DYNC1LI1: variants seen among roughly 807,000 people sequenced by gnomAD.
DYNC1LI1 encodes dynein cytoplasmic 1 light intermediate chain 1, also known as cytoplasmic dynein 1 light intermediate chain 1.
In DYNC1LI1, 19 loss-of-function variants were observed where a neutral mutation model predicts 63.8. The ratio of observed to expected loss-of-function variants is 0.30; its 90% CI spans 0.21 to 0.44. The LOEUF is 0.44. Ranked by LOEUF, DYNC1LI1 falls within the 20% of genes least tolerant of loss-of-function variation. The pLI is 1.00. For missense variants in DYNC1LI1, 565 were observed against 630.2 expected, an observed-to-expected ratio of 0.90 and a Z score of 1.11; for synonymous variants, 225 against 232.3, an observed-to-expected ratio of 0.97 and a Z score of 0.28.
At position 32,557,870 on chromosome 3, in the gene DYNC1LI1, C is replaced by T. The variant is rs550464073; in HGVS notation, c.221-11905G>A. ...AACGATCTGTAAACATACAATTACG[C>T]AAGTAGAGAGTTCCTGTTCAAACAG... On this transcript the variant is annotated intron_variant, in intron 2 of 12. Coordinates refer to ENST00000273130, the MANE Select transcript of DYNC1LI1 (RefSeq NM_016141.4). Among the ~76,000 whole-genome samples the T allele has an allele frequency of 9.2e-5, 14 of 152,260 alleles. No homozygotes were observed. The East Asian group carries it at 2.7e-3, about 29-fold the overall frequency.
chr3:32,569,838 G>C (rs905493114), intron 2 of DYNC1LI1, among the ~76,000 whole-genome samples: 1 of 152,182 alleles, frequency 6.6e-6, no homozygotes, highest in African/African-American at 2.4e-5. Flanking sequence ...TGACAGTTAA[G>C]GTAGCTGCAA....
intron 2 of DYNC1LI1, among the ~76,000 whole-genome samples, chr3:32,565,569 C>G (rs1698247187): frequency 6.6e-6 from 1 of 152,182 alleles, no homozygotes; most frequent in African/African-American, 2.4e-5. Flanking sequence ...TAGGGAGATT[C>G]TATAGATTAA....
chr3:32,552,843 C>T (rs1034655859), intron 2 of DYNC1LI1, among the ~76,000 whole-genome samples: 3 of 152,092 alleles, frequency 2.0e-5, no homozygotes, highest in African/African-American at 7.2e-5. Context: ...GTAGCTGGGA[C>T]TACAGGCACA....
At position 32,533,052 on chromosome 3, in the gene DYNC1LI1, T is replaced by G; in HGVS notation, c.1014A>C (p.Glu338Asp). The change falls in exon 8 of 13, where the codon GAA (glutamate) becomes GAC (aspartate). Residue 338 changes from glutamate to aspartate, a missense_variant. Coordinates refer to ENST00000273130, the MANE Select transcript of DYNC1LI1 (RefSeq NM_016141.4). ...DNDKKIGILH[E>D]NFQTLKAEDN... ...CTTCTGCTTTTAATGTTTGAAAATT[T>G]TCATGTAATATTCCTATTTTCTTAT... The G allele has an allele frequency of 6.2e-7, 1 of 1,604,736 alleles. No homozygotes were observed. Among genetic ancestry groups the G allele is most frequent in the Non-Finnish European group, 8.5e-7 (1 of 1,178,058 alleles).
At position 32,537,015 on chromosome 3, in the gene DYNC1LI1, T is replaced by C; in HGVS notation, c.828A>G (p.Leu276=). 2 of 1,565,774 alleles carry C rather than the reference T, an allele frequency of 1.3e-6. No homozygotes were observed. The change falls in exon 6 of 13, where the codon TTA becomes TTG. Residue 276 remains leucine (L), a synonymous_variant. Coordinates refer to ENST00000273130, the MANE Select transcript of DYNC1LI1 (RefSeq NM_016141.4). The part of the protein sequence containing the change: ...FIQSHIRKFC[L]QYGAALIYTS... The stretch of plus-strand genomic sequence containing the variant: ...TAAATGTATTTAAAAGGATACACTG[T>C]AAACAAAACTTCCGGATATGTGACT...
chr3:32,541,250 GC>G, intron 4 of DYNC1LI1, 44 bp from the exon 5 acceptor site: 1 of 1,329,856 alleles, frequency 7.5e-7, no homozygotes, highest in Non-Finnish European at 1.0e-6. Context: ...CTTCATTTCA[GC>G]AGGTAACTTT....
chr3:32,539,782 A>G (rs1369019482), intron 5 of DYNC1LI1, among the ~76,000 whole-genome samples: 5 of 151,434 alleles, frequency 3.3e-5, no homozygotes, highest in Admixed American at 3.3e-4. Flanking sequence ...TGATCCGCCC[A>G]CCTCGACCTC....
chr3:32,530,209 T>A (rs1283389319), intron 10 of DYNC1LI1, 75 bp downstream of exon 10: 11 of 1,219,500 alleles, frequency 9.0e-6, no homozygotes, highest in South Asian at 1.5e-5. Flanking sequence ...ATGAAATATG[T>A]ACATAATTAA....
intron 12 of DYNC1LI1, 65 bp from the exon 13 acceptor site, chr3:32,526,973 A>C (rs1697627858): frequency 9.0e-7 from 1 of 1,111,854 alleles, no homozygotes; most frequent in South Asian, 1.3e-5. Flanking sequence ...TTTCACCAAT[A>C]TCTCTTCATT....
intron 5 of DYNC1LI1, chr3:32,537,398 T>C (rs940910800): frequency 2.9e-5 from 5 of 174,504 alleles, no homozygotes; most frequent in Admixed American, 6.2e-5. Context: ...GCCTAGCTTG[T>C]TCTAAGAAAT....
intron 2 of DYNC1LI1, among the ~76,000 whole-genome samples, chr3:32,552,090 ATAAT>A (rs1698050964): frequency 6.6e-6 from 1 of 152,198 alleles, no homozygotes; most frequent in South Asian, 2.1e-4. Context: ...ACTGACTTAC[ATAAT>A]TAATATAAGA....
intron 4 of DYNC1LI1, among the ~76,000 whole-genome samples, chr3:32,544,509 C>T (rs1204755861): frequency 6.6e-6 from 1 of 152,170 alleles, no homozygotes; most frequent in African/African-American, 2.4e-5. Context: ...GTGGCTCACG[C>T]CTGTAATCCC....
In DYNC1LI1 at chr3:32,528,521, C is replaced by T. The variant is rs367833115; in HGVS notation, c.1387G>A (p.Gly463Ser). The stretch of plus-strand genomic sequence containing the variant: ...CCTGCAGGGCTACCACCACTCACAC[C>T]AGGGCCTCCTGGAGAGCCAGTCTTT... Reference protein sequence around the residue: ...SKKTGSPGGPGVSGGSPAGGA... With the variant: ...SKKTGSPGGPSVSGGSPAGGA... The change falls in exon 12 of 13, where the codon GGT becomes AGT. Residue 463 changes from glycine to serine, a missense_variant. Physicochemically the swap from Gly to Ser is moderately conservative, Grantham distance 56. Transcript: ENST00000273130. The T allele has an allele frequency of 3.7e-6, 6 of 1,614,042 alleles. No homozygotes were observed. The African/African-American group carries it at 8.0e-5, about 22-fold the overall frequency.
Position 32,560,794 on chromosome 3 carries a change from G to A in DYNC1LI1, c.220+9552C>T, listed in dbSNP as rs189038089. 3.1e-4 allele frequency among the ~76,000 whole-genome samples: 47 copies of A among 151,268 alleles called. 1 individual carries two copies. Among genetic ancestry groups the A allele is most frequent in the African/African-American group, 1.0e-3 (43 of 41,234 alleles). On this transcript the variant is annotated intron_variant, in intron 2 of 12. Transcript: ENST00000273130. ...TGAGGCAGGCAGATCACCTAAGGTC[G>A]GGAGTTCAAGACCAGCCTGACCAAC...
chr3:32,539,371 T>C (rs1290041613), intron 5 of DYNC1LI1, among the ~76,000 whole-genome samples: 2 of 152,132 alleles, frequency 1.3e-5, no homozygotes, highest in Non-Finnish European at 2.9e-5. Context: ...ATAAATTCTA[T>C]ACCCTCCTTT....
At chr3:32,551,221 C>T (rs938380542) in intron 2 of DYNC1LI1, among the ~76,000 whole-genome samples, 23 of 152,150 alleles carry the variant, frequency 1.5e-4, no homozygotes, top group Non-Finnish European at 2.8e-4. Context: ...CCTGGTTTTA[C>T]TTGGAAGTCA....
intron 2 of DYNC1LI1, among the ~76,000 whole-genome samples, chr3:32,547,812 A>G (rs919726791): frequency 6.6e-6 from 1 of 152,216 alleles, no homozygotes; most frequent in Non-Finnish European, 1.5e-5. Flanking sequence ...TCCCATGTTC[A>G]TTGCGGCATT....
chr3:32,529,067 T>A (rs1697660562), intron 11 of DYNC1LI1, among the ~76,000 whole-genome samples: 1 of 152,164 alleles, frequency 6.6e-6, no homozygotes, highest in Non-Finnish European at 1.5e-5. Flanking sequence ...TTAGGTAGTA[T>A]TTAAAGCATG....
chr3:32,545,522 T>C (rs956432352), intron 3 of DYNC1LI1: 11 of 340,294 alleles, frequency 3.2e-5, no homozygotes, highest in African/African-American at 2.4e-4. Flanking sequence ...GAGTAGATAA[T>C]ATTTTTATCA....
Sources: gnomAD v4.1 joint callset for allele counts (sites outside exome capture counted in the v4.1 genomes callset) on GRCh38, gnomAD v4.1.1 for gene constraint, MANE v1.5 for transcripts, NCBI Gene and HGNC (gene_info 2026-07-23, HGNC 2026-07-21) for gene names.